The following MYO18A variants were observed in gnomAD, a reference collection of about 807,000 sequenced individuals.
MYO18A encodes the protein unconventional myosin-XVIIIa.
In MYO18A, 78 loss-of-function variants were observed where a neutral mutation model predicts 235.8. The observed-to-expected ratio is 0.33, with a 90% CI of 0.28 to 0.40. MYO18A has a LOEUF of 0.40. MYO18A is among the 10% of genes least tolerant of loss of function. MYO18A has a pLI of 1.00. For missense variants in MYO18A, 2,215 were observed against 2,699.3 expected (o/e 0.82, Z 3.98); for synonymous variants, 977 against 1,077.8 (o/e 0.91, Z 1.83).
chr17:29,085,495 G>A (rs987391877), intron 40 of MYO18A, 109 bp downstream of exon 40: 1 of 920,904 alleles, frequency 1.1e-6, no homozygotes, highest in African/African-American at 1.6e-5. Flanking sequence ...GGAGTGTGGG[G>A]AGGCTGTATC....
chr17:29,097,769 C>T lies in MYO18A; in HGVS notation c.4102+19G>A. 2 of 1,601,156 alleles carry T rather than the reference C, an allele frequency of 1.2e-6. No homozygotes were observed. The highest frequency in any genetic ancestry group is 4.5e-5 in the East Asian group (2 of 44,814). ...TCGCATTGCGGGCCACTGCCGAGCT[C>T]CTTGGGCCTCAGGCCCACCTGCATC... On this transcript the variant is annotated intron_variant, in intron 26 of 41. Transcript: ENST00000527372.
At chr17:29,130,950 G>T (rs566316313) in intron 2 of MYO18A, among the ~76,000 whole-genome samples, 113 of 152,264 alleles carry the variant, frequency 7.4e-4, no homozygotes, top group East Asian at 2.3e-3. Flanking sequence ...TTTGCCTTGT[G>T]CCACCCAGAG....
rs563391643 is a variant in MYO18A, at chr17:29,091,861, C to T, written c.5187+482G>A. 70 of 326,726 alleles carry T rather than the reference C, an allele frequency of 2.1e-4. 1 individual carries two copies. The highest frequency in any genetic ancestry group is 1.3e-3 in the African/African-American group (60 of 46,012). The allele number at this position is 326,726 out of a possible 1,614,324, so 20.2% of individuals were successfully genotyped here. On this transcript the variant is annotated intron_variant, in intron 34 of 41. Coordinates refer to ENST00000527372, the MANE Select transcript of MYO18A (RefSeq NM_078471.4). ...CGCATCCCAGTAATGAATTCTCTGC[C>T]GATGGATGGGCCGTGGGAGAGGTGG...
chr17:29,121,582 C>T lies in MYO18A; in HGVS notation c.1336G>A (p.Gly446Ser). The change falls in exon 5 of 42, where the codon GGC becomes AGC. Residue 446 changes from glycine to serine, a missense_variant. By Grantham distance (56) the Gly-to-Ser change is moderately conservative. Coordinates refer to ENST00000527372, the MANE Select transcript of MYO18A (RefSeq NM_078471.4). The surrounding 1 kb of genome is among the most constrained non-coding windows in gnomAD (Gnocchi z 4.2). ...TACACAGCAGGGGCCCCACGGGGGC[C>T]AAGAACCAGCAGGCTGGGGCCAGCA... ...TYAGPSLLVL[G>S]PRGAPAVYSE... 1 of 1,603,682 alleles carries T rather than the reference C, an allele frequency of 6.2e-7. No homozygotes were observed. Among genetic ancestry groups the T allele is most frequent in the Non-Finnish European group, 8.5e-7 (1 of 1,175,722 alleles).
intron 34 of MYO18A, chr17:29,091,232 T>A (rs1437081155): frequency 5.6e-6 from 2 of 359,002 alleles, no homozygotes; most frequent in African/African-American, 4.2e-5. Context: ...AAATGACCCA[T>A]CATCCTGGCA....
intron 2 of MYO18A, 27 bp downstream of exon 2, chr17:29,165,915 A>C: frequency 6.3e-7 from 1 of 1,593,964 alleles, no homozygotes; most frequent in Non-Finnish European, 8.6e-7. Flanking sequence ...ATCCCTGCTT[A>C]GCCCAGGTGC....
intron 1 of MYO18A, among the ~76,000 whole-genome samples, chr17:29,172,109 A>C (rs2068418732): frequency 6.6e-6 from 1 of 152,020 alleles, no homozygotes; most frequent in South Asian, 2.1e-4. Flanking sequence ...AAAGGCAAGC[A>C]ACATAAAGAT....
chr17:29,161,898 G>C (rs2068182503), intron 2 of MYO18A, among the ~76,000 whole-genome samples: 2 of 152,292 alleles, frequency 1.3e-5, no homozygotes, highest in South Asian at 4.1e-4. Context: ...CCAGACTTAG[G>C]AAACACTTGG....
At chr17:29,145,957 G>A (rs1334312836) in intron 2 of MYO18A, among the ~76,000 whole-genome samples, 1 of 152,148 alleles carries the variant, frequency 6.6e-6, no homozygotes, top group Admixed American at 6.5e-5. Context: ...AGTAGTGTAA[G>A]AGAAGGCAAA....
chr17:29,110,025 G>T lies in MYO18A; in HGVS notation c.3164C>A (p.Ala1055Asp). ...GGAGGAGGCGGAACGGGGCTCCCCA[G>T]CCCAGCCCTCAGCTACAGGCAGGAA... ...HCFLPVAEGW[A>D]GEPRSASSRR... Residue 1055 changes from alanine to aspartate, a missense_variant, in exon 19 of 42, where the codon GCT (alanine) becomes GAT (aspartate). Transcript: ENST00000527372. 3 of 1,613,134 alleles carry T rather than the reference G, an allele frequency of 1.9e-6. No individual in the cohort carries two copies. Among genetic ancestry groups the T allele is most frequent in the Non-Finnish European group, 2.5e-6 (3 of 1,179,784 alleles).
rs1399015845 is a variant in MYO18A at position 29,140,064 on chromosome 17, G to A, written c.1000-17811C>T. Among the ~76,000 whole-genome samples, 1 of 152,176 alleles carries A rather than the reference G, an allele frequency of 6.6e-6. No individual in the cohort carries two copies. The highest frequency in any genetic ancestry group is 2.4e-5 in the African/African-American group (1 of 41,440). ...GTGGATGCAACCCCAGGAAACTGAG[G>A]TTCAGAAGACAGTGCCCCTCCAAAA... On this transcript the variant is annotated intron_variant, in intron 2 of 41. Coordinates refer to ENST00000527372, the MANE Select transcript of MYO18A (RefSeq NM_078471.4). The surrounding 1 kb of genome is among the most constrained non-coding windows in gnomAD (Gnocchi z 4.2).
At chr17:29,153,295 T>C (rs2067996481) in intron 2 of MYO18A, among the ~76,000 whole-genome samples, 1 of 151,980 alleles carries the variant, frequency 6.6e-6, no homozygotes, top group South Asian at 2.1e-4. Context: ...AATTTTTGTA[T>C]CTTTAATAGA....
At chr17:29,083,189 C>T (rs1035280209) in intron 40 of MYO18A, among the ~76,000 whole-genome samples, 2 of 152,128 alleles carry the variant, frequency 1.3e-5, no homozygotes, top group African/African-American at 2.4e-5. Flanking sequence ...AGAGCCCTGT[C>T]GCTCAAGGTC....
intron 21 of MYO18A, among the ~76,000 whole-genome samples, chr17:29,100,283 C>A (rs2066622021): frequency 6.6e-6 from 1 of 152,124 alleles, no homozygotes; most frequent in Non-Finnish European, 1.5e-5. Context: ...GCGCAGCGTG[C>A]AGAGGAAAAG....
At chr17:29,077,147 C>G (rs954257922) in intron 41 of MYO18A, 4 of 152,282 alleles carry the variant, frequency 2.6e-5, no homozygotes, top group African/African-American at 9.6e-5. Flanking sequence ...CTGCCTTGGG[C>G]TGCGGACCCA....
At chr17:29,173,343 C>T (rs1430975168) in intron 1 of MYO18A, among the ~76,000 whole-genome samples, 6 of 151,512 alleles carry the variant, frequency 4.0e-5, no homozygotes, top group Non-Finnish European at 8.8e-5. Context: ...CTGCCTGCCT[C>T]GGCCTTCCAA....
rs2068104051 is a variant in MYO18A at position 29,158,420 on chromosome 17, T to C, written c.999+7522A>G. Among the ~76,000 whole-genome samples, 1 of 152,104 alleles carries C rather than the reference T, an allele frequency of 6.6e-6. No homozygotes were observed. Among genetic ancestry groups the C allele is most frequent in the African/African-American group, 2.4e-5 (1 of 41,456 alleles). On this transcript the variant is annotated intron_variant, in intron 2 of 41. Transcript: ENST00000527372. The surrounding 1 kb of genome is among the most constrained non-coding windows in gnomAD (Gnocchi z 4.3). ...CCCCTGTATTTAACAGAACAGAAGCTGCTGCCAAACACCATGCGGGACTCT... is the reference window on the plus strand; with the variant it reads ...CCCCTGTATTTAACAGAACAGAAGCCGCTGCCAAACACCATGCGGGACTCT...
Position 29,125,780 on chromosome 17 carries a change from G to A in MYO18A, c.1000-3527C>T, listed in dbSNP as rs932569033. ...AGCCCAACATGAGGGCCCACAGGCCGCCATGGAGCCATCTTCATGGTCAGC... is the reference window on the plus strand; with the variant it reads ...AGCCCAACATGAGGGCCCACAGGCCACCATGGAGCCATCTTCATGGTCAGC... On this transcript the variant is annotated intron_variant, in intron 2 of 41. Coordinates refer to ENST00000527372, the MANE Select transcript of MYO18A (RefSeq NM_078471.4). The surrounding 1 kb of genome is among the most constrained non-coding windows in gnomAD (Gnocchi z 5.1). 9 of 360,882 alleles carry A rather than the reference G, an allele frequency of 2.5e-5. No individual in the cohort carries two copies. Among genetic ancestry groups the A allele is most frequent in the Admixed American group, 1.3e-4 (2 of 15,552 alleles). The allele number at this position is 360,882 out of a possible 1,614,324, so 22.4% of individuals were successfully genotyped here. A position where few individuals can be genotyped will look rare whatever the true frequency, so the allele number is the denominator to read the frequency against.
chr17:29,115,202 TG>T, intron 13 of MYO18A, 103 bp from the exon 14 acceptor site: 1 of 1,433,934 alleles, frequency 7.0e-7, no homozygotes, highest in Non-Finnish European at 9.5e-7. Flanking sequence ...AGGACCCTGG[TG>T]GGGAGGGCAT....
Sources: gnomAD v4.1 joint callset for allele counts (sites outside exome capture counted in the v4.1 genomes callset) on GRCh38, gnomAD v4.1.1 for gene constraint, Gnocchi (gnomAD v3.1) non-coding constraint, MANE v1.5 for transcripts, NCBI Gene and HGNC (gene_info 2026-07-23, HGNC 2026-07-21) for gene names.